Variants in ARHGAP29 observed in about 807,000 individuals in gnomAD.
The protein encoded by ARHGAP29 is rho GTPase-activating protein 29.
In ARHGAP29, 43 loss-of-function variants were observed where a neutral mutation model predicts 122.6. The ratio of observed to expected loss-of-function variants is 0.35; its 90% CI spans 0.27 to 0.45. The LOEUF (loss-of-function observed/expected upper bound fraction) is 0.45, where lower values mean the gene tolerates loss of function less well. Among genes scored for constraint, ARHGAP29 ranks in the 20% least tolerant of loss-of-function variants. ARHGAP29 has a pLI of 1.00. For missense variants in ARHGAP29, 1,303 were observed against 1,477.2 expected (o/e 0.88, Z 1.93); for synonymous variants, 506 against 497.1 (o/e 1.02, Z -0.24).
chr1:94,239,089 A>T (rs1023640307), upstream of ARHGAP29, among the ~76,000 whole-genome samples: 2 of 152,134 alleles, frequency 1.3e-5, no homozygotes, highest in African/African-American at 2.4e-5. Flanking sequence ...CAAATAGGAA[A>T]CCTCAAAAAC....
chr1:94,210,611 A>C (rs897827785), intron 3 of ARHGAP29, among the ~76,000 whole-genome samples: 2 of 144,868 alleles, frequency 1.4e-5, no homozygotes, highest in East Asian at 3.8e-4. Context: ...ACAAACAAAA[A>C]GAAAAAGTTA....
intron 1 of ARHGAP29, among the ~76,000 whole-genome samples, chr1:94,262,850 C>T (rs1194804999): frequency 6.6e-6 from 1 of 151,994 alleles, no homozygotes; most frequent in Non-Finnish European, 1.5e-5. Context: ...TCTGTAAGAT[C>T]TAAAAACAGA....
At chr1:94,252,410 G>A (rs1235059873) in intron 1 of ARHGAP29, among the ~76,000 whole-genome samples, 2 of 152,154 alleles carry the variant, frequency 1.3e-5, no homozygotes, top group African/African-American at 2.4e-5. Context: ...TGCCTCTGCT[G>A]CTTTCAACAG....
the ARHGAP29 span, among the ~76,000 whole-genome samples, chr1:94,284,000 A>C: frequency 6.6e-6 from 1 of 152,116 alleles, no homozygotes; most frequent in African/African-American, 2.4e-5. Context: ...CATGAAAAAA[A>C]TGAACAATAA....
intron 2 of ARHGAP29, among the ~76,000 whole-genome samples, chr1:94,223,195 C>T (rs1461001923): frequency 6.6e-6 from 1 of 152,152 alleles, no homozygotes; most frequent in Non-Finnish European, 1.5e-5. Context: ...CCATCCGCCT[C>T]GGCCTCCCAA....
chr1:94,249,806 A>G (rs577303203), intron 1 of ARHGAP29, among the ~76,000 whole-genome samples: 3 of 152,034 alleles, frequency 2.0e-5, no homozygotes, highest in Non-Finnish European at 4.4e-5. Flanking sequence ...TATTGTACAT[A>G]GGATACTATT....
Position 94,237,362 on chromosome 1 carries a change from G to C in ARHGAP29, c.-33+53C>G, listed in dbSNP as rs1039747861. ...GCGGGCGCTCGCGCGGGCAACCCCA[G>C]CCCGGAGCCACGACCGCCGCGGCCG... On this transcript the variant is annotated intron_variant, in intron 1 of 22. Coordinates refer to ENST00000260526, the MANE Select transcript of ARHGAP29 (RefSeq NM_004815.4). 7 of 979,644 alleles carry C rather than the reference G, an allele frequency of 7.1e-6. No individual in the cohort carries two copies. The South Asian group carries it at 3.3e-4, about 46-fold the overall frequency. The allele number at this position is 979,644 out of a possible 1,614,324, so 60.7% of individuals were successfully genotyped here.
At chr1:94,311,080 G>T in the ARHGAP29 span, among the ~76,000 whole-genome samples, 12 of 152,146 alleles carry the variant, frequency 7.9e-5, no homozygotes, top group African/African-American at 2.7e-4. Flanking sequence ...GGCAACAAGC[G>T]CCTACAAGGA....
At chr1:94,217,390 T>A (rs1288321322) in intron 3 of ARHGAP29, among the ~76,000 whole-genome samples, 1 of 151,740 alleles carries the variant, frequency 6.6e-6, no homozygotes, top group Non-Finnish European at 1.5e-5. Context: ...AAAAATTAGG[T>A]GGGTGTGGTG....
At chr1:94,293,202 C>T in the ARHGAP29 span, among the ~76,000 whole-genome samples, 1 of 152,230 alleles carries the variant, frequency 6.6e-6, no homozygotes, top group African/African-American at 2.4e-5. Flanking sequence ...TCCTCTCCCC[C>T]CATCAAGGTC....
intron 2 of ARHGAP29, among the ~76,000 whole-genome samples, chr1:94,229,757 AACTTTCAGTTGACCTTC>A (rs1482515118): frequency 6.6e-6 from 1 of 151,582 alleles, no homozygotes; most frequent in Non-Finnish European, 1.5e-5. Flanking sequence ...ACTTAGGGTC[AACTTTCAGTTGACCTTC>A]AGTATTCTCT....
the ARHGAP29 span, among the ~76,000 whole-genome samples, chr1:94,308,306 G>A: frequency 6.6e-6 from 1 of 152,052 alleles, no homozygotes; most frequent in South Asian, 2.1e-4. Flanking sequence ...TAGTAGTAAG[G>A]TTCTCAATTT....
chr1:94,248,849 T>C (rs114972610), intron 1 of ARHGAP29, among the ~76,000 whole-genome samples: 5,467 of 152,222 alleles, frequency 0.036, 352 homozygotes, highest in African/African-American at 0.12. Context: ...ACTACAGGCT[T>C]GTGTCACCAC....
intron 2 of ARHGAP29, among the ~76,000 whole-genome samples, chr1:94,231,013 A>T (rs1652890857): frequency 6.6e-6 from 1 of 152,032 alleles, no homozygotes; most frequent in African/African-American, 2.4e-5. Flanking sequence ...AAATGTGGAA[A>T]GGTGAATTTA....
Position 94,171,479 on chromosome 1 carries a change from C to A in ARHGAP29, c.*2390G>T, listed in dbSNP as rs1443751023. Among the ~76,000 whole-genome samples, 1 of 152,216 alleles carries A rather than the reference C, an allele frequency of 6.6e-6. No homozygotes were observed. The highest frequency in any genetic ancestry group is 1.5e-5 in the Non-Finnish European group (1 of 68,026). On this transcript the variant is annotated 3_prime_UTR_variant, in exon 23 of 23. Coordinates refer to ENST00000260526, the MANE Select transcript of ARHGAP29 (RefSeq NM_004815.4). ...ACAAGGCTTCCTGGTGTTCTGGCAG[C>A]ACTAACAGGGCTCCTGCTGTTGCCC...
At chr1:94,281,755 A>G in the ARHGAP29 span, among the ~76,000 whole-genome samples, 1 of 152,134 alleles carries the variant, frequency 6.6e-6, no homozygotes, top group Non-Finnish European at 1.5e-5. Flanking sequence ...ATAGAGTATA[A>G]ACAGTAGGAC....
intron 1 of ARHGAP29, among the ~76,000 whole-genome samples, chr1:94,256,977 C>T (rs1016864229): frequency 5.9e-5 from 9 of 152,038 alleles, no homozygotes; most frequent in Non-Finnish European, 1.2e-4. Context: ...GTTTTTTATG[C>T]TAGACTTAGA....
In ARHGAP29 at chr1:94,177,646, T is replaced by C. The variant is rs1198116253; in HGVS notation, c.2871A>G (p.Gln957=). ...ATGCATCACATTTTCCTAACGCATT[T>C]TGCTTGCGTTCTGATTCCTCAAATG... ...ATSFEESERK[Q]NALGKCDACL... The change falls in exon 22 of 23, where the codon CAA becomes CAG. Residue 957 remains glutamine, a synonymous_variant. Coordinates refer to ENST00000260526, the MANE Select transcript of ARHGAP29 (RefSeq NM_004815.4). The C allele has an allele frequency of 1.2e-6, 2 of 1,613,532 alleles. No homozygotes were observed. Among genetic ancestry groups the C allele is most frequent in the Non-Finnish European group, 1.7e-6 (2 of 1,179,796 alleles).
chr1:94,214,986 A>G (rs1007626533), intron 3 of ARHGAP29, among the ~76,000 whole-genome samples: 1 of 151,714 alleles, frequency 6.6e-6, no homozygotes, highest in Non-Finnish European at 1.5e-5. Flanking sequence ...TTTCTTTTCT[A>G]TTCTCTTTCA....
Sources: allele counts gnomAD v4.1 joint callset (sites outside exome capture counted in the v4.1 genomes callset), GRCh38; gene constraint gnomAD v4.1.1; transcripts MANE v1.5; gene names NCBI Gene and HGNC (gene_info 2026-07-23, HGNC 2026-07-21).